Variants in RTEL1 observed in about 807,000 individuals in gnomAD.
The protein encoded by RTEL1 is regulator of telomere elongation helicase 1, also known as regulator of telomere length.
A neutral mutation model predicts 162.2 loss-of-function variants in RTEL1; 86 were observed. The observed-to-expected ratio is 0.53, with a 90% CI of 0.45 to 0.63. The LOEUF (loss-of-function observed/expected upper bound fraction) is 0.63. Ranked by LOEUF, RTEL1 falls within the 30% of genes least tolerant of loss-of-function variation. RTEL1 has a pLI of 0.00. For synonymous variants in RTEL1, 958 were observed against 717.9 expected, an observed-to-expected ratio of 1.33 and a Z score of -5.35; for missense variants, 1,941 against 1,750.2, an observed-to-expected ratio of 1.11 and a Z score of -1.95.
In RTEL1 at chr20:63,667,616, C is replaced by G. The variant is rs745588267; in HGVS notation, c.699+63C>G. The G allele has an allele frequency of 3.7e-6, 5 of 1,347,138 alleles. No homozygotes were observed. In the African/African-American group the frequency reaches 7.2e-5, roughly 19 times the overall value. The allele number at this position is 1,347,138 out of a possible 1,614,324, so 83.4% of individuals were successfully genotyped here. A position where few individuals can be genotyped will look rare whatever the true frequency, so the allele number is the denominator to read the frequency against. The stretch of plus-strand genomic sequence containing the variant: ...CCAGGGGTGTCCCTGGGCTTGGGAA[C>G]AGCTGTCCGAGCCTTTGCTGCTTCA... On this transcript the variant is annotated intron_variant, in intron 8 of 34. Coordinates refer to ENST00000360203, the MANE Select transcript of RTEL1 (RefSeq NM_001283009.2).
At chr20:63,682,438 C>G (rs1266601129) in intron 14 of RTEL1, 1 of 985,872 alleles carries the variant, frequency 1.0e-6, no homozygotes, top group Non-Finnish European at 1.2e-6. Context: ...TCTCCACACT[C>G]TGGAACCGGA....
intron 10 of RTEL1, among the ~76,000 whole-genome samples, chr20:63,677,525 A>G (rs1329416618): frequency 1.3e-5 from 2 of 152,186 alleles, no homozygotes; most frequent in South Asian, 4.1e-4. Flanking sequence ...AGACACGAGA[A>G]TTGCTTGAAC....
In RTEL1 at chr20:63,682,757, G is replaced by C; in HGVS notation, c.1191+2038G>C. On this transcript the variant is annotated intron_variant, in intron 14 of 34. Transcript: ENST00000360203. Reference sequence around the variant, plus strand: ...AGTGGGGCCAGTGGCCCCAGGAAGAGGATGTGGGATGCACAGCTCAGCTGG... The same window carrying C: ...AGTGGGGCCAGTGGCCCCAGGAAGACGATGTGGGATGCACAGCTCAGCTGG... The C allele has an allele frequency of 4.4e-6, 4 of 903,338 alleles. No individual in the cohort carries two copies. The South Asian group carries it at 2.1e-4, about 46-fold the overall frequency. The allele number at this position is 903,338 out of a possible 1,614,324, so 56.0% of individuals were successfully genotyped here.
At chr20:63,685,117 G>T (rs552071388) in intron 14 of RTEL1, among the ~76,000 whole-genome samples, 1 of 150,430 alleles carries the variant, frequency 6.6e-6, no homozygotes, top group African/African-American at 2.5e-5. Flanking sequence ...CGAACTCCTG[G>T]GTTCGGGCAG....
chr20:63,680,215 C>T (rs539039867), intron 13 of RTEL1, among the ~76,000 whole-genome samples: 9 of 152,340 alleles, frequency 5.9e-5, no homozygotes, highest in African/African-American at 2.2e-4. Flanking sequence ...AAGGCCCTAG[C>T]TGGCTTGTGG....
In RTEL1 at chr20:63,692,917, A is replaced by G; in HGVS notation, c.2765A>G (p.Tyr922Cys). ...ACCTTCACCCAGGCCCTGCAGGACT[A>G]CAAGGGTTCCGATGACTTCGCCGCC... ...FATFTQALQD[Y>C]KGSDDFAALA... Residue 922 changes from tyrosine (Y) to cysteine (C), a missense_variant, in exon 29 of 35, where the codon TAC becomes TGC. Tyr to Cys is a radical substitution (Grantham distance 194). Coordinates refer to ENST00000360203, the MANE Select transcript of RTEL1 (RefSeq NM_001283009.2). 1 of 1,612,670 alleles carries G rather than the reference A, an allele frequency of 6.2e-7. No individual in the cohort carries two copies. The highest frequency in any genetic ancestry group is 8.5e-7 in the Non-Finnish European group (1 of 1,179,854).
At position 63,695,143 on chromosome 20, in the gene RTEL1, C is replaced by G. The variant is rs745859562; in HGVS notation, c.3421C>G (p.Pro1141Ala). ...CACAGACCTGACCGGCCGGCCCTAC[C>G]CGGGCATGGAGCCACCGGGACCCCA... ...TCTDLTGRPY[P>A]GMEPPGPQEE... is the part of the protein sequence containing the mutation. The change falls in exon 33 of 35, where the codon CCG becomes GCG. Residue 1141 changes from proline to alanine, a missense_variant. Physicochemically the swap from Pro to Ala is conservative, Grantham distance 27. Coordinates refer to ENST00000360203, the MANE Select transcript of RTEL1 (RefSeq NM_001283009.2). The G allele has an allele frequency of 1.9e-6, 3 of 1,612,460 alleles. No individual in the cohort carries two copies. Among genetic ancestry groups the G allele is most frequent in the Non-Finnish European group, 2.5e-6 (3 of 1,179,864 alleles).
chr20:63,672,647 ACCT>A lies in RTEL1; in HGVS notation c.765+30_765+32del, dbSNP rs762725035. The A allele has an allele frequency of 1.5e-5, 23 of 1,547,536 alleles. No individual in the cohort carries two copies. The South Asian group carries it at 2.0e-4, about 13-fold the overall frequency. On this transcript the variant is annotated intron_variant, in intron 9 of 34. Transcript: ENST00000360203. ...GTGAGTCTCCGCTGGCCTCCTAAACACCTCCTATTGCTTCTGGCCTTTTTGTCA... is the reference window on the plus strand; with the variant it reads ...GTGAGTCTCCGCTGGCCTCCTAAACACCTATTGCTTCTGGCCTTTTTGTCA...
rs771051288 is a variant in RTEL1 at position 63,695,852 on chromosome 20, C to G, written c.3897C>G (p.Pro1299=). ...TCATGCAGGTCTTCTGGCCAGAGCC[C>G]CAGTGAGTGCCCACGGAGGCCCCCA... The part of the protein sequence containing the change: ...QSVMQVFWPE[P]Q The change falls in exon 35 of 35, where the codon CCC becomes CCG. Residue 1299 remains proline (P), a synonymous_variant. Coordinates refer to ENST00000360203, the MANE Select transcript of RTEL1 (RefSeq NM_001283009.2). 6.3e-7 allele frequency: 1 copy of G among 1,587,912 alleles called. No homozygotes were observed. The highest frequency in any genetic ancestry group is 8.6e-7 in the Non-Finnish European group (1 of 1,168,864).
At chr20:63,662,945 G>A in intron 6 of RTEL1, 56 bp downstream of exon 6, 2 of 1,512,800 alleles carry the variant, frequency 1.3e-6, no homozygotes, top group Non-Finnish European at 1.8e-6. Context: ...GCCTCTCAGG[G>A]TGGAGCTCAG....
intron 8 of RTEL1, among the ~76,000 whole-genome samples, chr20:63,670,411 A>G (rs1371408592): frequency 6.7e-6 from 1 of 149,210 alleles, no homozygotes; most frequent in Non-Finnish European, 1.5e-5. Context: ...TGGCCAGTTA[A>G]CCACTGGGAG....
intron 14 of RTEL1, 104 bp from the exon 15 acceptor site, chr20:63,685,419 G>T: frequency 8.5e-7 from 1 of 1,177,144 alleles, no homozygotes. Flanking sequence ...CCGGTGAACC[G>T]ATGACCCCTG....
At chr20:63,669,471 G>A (rs2146183464) in intron 8 of RTEL1, among the ~76,000 whole-genome samples, 1 of 152,296 alleles carries the variant, frequency 6.6e-6, no homozygotes, top group South Asian at 2.1e-4. Context: ...GAAGAGTTGA[G>A]AAAATGAAAA....
At chr20:63,693,468 T>TCCACCACCTCCACCA (rs1568720038) in intron 30 of RTEL1, among the ~76,000 whole-genome samples, 185 bp downstream of exon 30, 2 of 9,750 alleles carry the variant, frequency 2.1e-4, no homozygotes, top group African/African-American at 4.6e-4. Flanking sequence ...CACCTCCACC[T>TCCACCACCTCCACCA]CCACCTCCAC....
intron 2 of RTEL1, 95 bp downstream of exon 2, chr20:63,659,599 C>T (rs1259365119): frequency 3.2e-6 from 3 of 933,470 alleles, no homozygotes; most frequent in South Asian, 2.7e-5. Flanking sequence ...CAGCCAGGCC[C>T]CTCCGGGCCA....
At position 63,680,751 on chromosome 20, in the gene RTEL1, C is replaced by T. The variant is rs753332047; in HGVS notation, c.1191+32C>T. On this transcript the variant is annotated intron_variant, in intron 14 of 34. Coordinates refer to ENST00000360203, the MANE Select transcript of RTEL1 (RefSeq NM_001283009.2). Reference sequence around the variant, plus strand: ...CCTGCTCCTCTGTGGCATCTCCTTCCCTGATGGAAGCCGGGCGGGTGCCTT... The same window carrying T: ...CCTGCTCCTCTGTGGCATCTCCTTCTCTGATGGAAGCCGGGCGGGTGCCTT... 3.1e-6 allele frequency: 5 copies of T among 1,612,664 alleles called. No homozygotes were observed. In the Admixed American group the frequency reaches 8.3e-5, roughly 27 times the overall value.
rs2090978418 is a variant in RTEL1 at position 63,696,233 on chromosome 20, C to T, written c.*375C>T. On this transcript the variant is annotated 3_prime_UTR_variant, in exon 35 of 35. Transcript: ENST00000360203. Reference sequence around the variant, plus strand: ...GGGACAGGGCTCTCTAATAAAGCTGCTGGCAGTGCCCAGGACGGTGTCTTC... The same window carrying T: ...GGGACAGGGCTCTCTAATAAAGCTGTTGGCAGTGCCCAGGACGGTGTCTTC... The T allele has an allele frequency of 6.3e-6, 2 of 319,648 alleles. No individual in the cohort carries two copies. Among genetic ancestry groups the T allele is most frequent in the Admixed American group, 9.1e-5 (2 of 21,970 alleles). The allele number at this position is 319,648 out of a possible 1,614,324, so 19.8% of individuals were successfully genotyped here.
intron 8 of RTEL1, 122 bp from the exon 9 acceptor site, chr20:63,672,434 C>A: frequency 1.3e-6 from 1 of 798,092 alleles, no homozygotes; most frequent in Non-Finnish European, 2.1e-6. Context: ...CTGCTCTCGA[C>A]ATCGCCGGCG....
intron 14 of RTEL1, among the ~76,000 whole-genome samples, chr20:63,684,749 G>C (rs190065988): frequency 6.6e-6 from 1 of 150,566 alleles, no homozygotes; most frequent in Admixed American, 6.6e-5. Flanking sequence ...CTGGGATTAC[G>C]GGTGTGAGCC....
Sources: gnomAD v4.1 joint callset for allele counts (sites outside exome capture counted in the v4.1 genomes callset) on GRCh38, gnomAD v4.1.1 for gene constraint, MANE v1.5 for transcripts, NCBI Gene and HGNC (gene_info 2026-07-23, HGNC 2026-07-21) for gene names.